The following CIRSR variants were observed in gnomAD, a reference collection of about 807,000 sequenced individuals.
CIRSR encodes the protein corepressor of RBPJ and splicing regulator, also known as CBF1 (RBPJ) interacting corepressor 1.
At chr2:174,364,048 C>T in the CIRSR span, among the ~76,000 whole-genome samples, 1 of 152,208 alleles carries the variant, frequency 6.6e-6, no homozygotes, top group South Asian at 2.1e-4. Context: ...ATCTCTTCTG[C>T]CTATGAGCCT....
chr2:174,381,713 C>T, the CIRSR span: 36 of 1,584,188 alleles, frequency 2.3e-5, no homozygotes, highest in East Asian at 1.1e-4. Flanking sequence ...CCTTTTTTAG[C>T]TCCTGGTGGG....
At chr2:174,369,874 T>C in the CIRSR span, 1 of 1,179,000 alleles carries the variant, frequency 8.5e-7, no homozygotes, top group Non-Finnish European at 1.1e-6. Context: ...CATAATGATA[T>C]AATAATACAA....
the CIRSR span, among the ~76,000 whole-genome samples, chr2:174,391,077 G>A: frequency 1.5e-4 from 23 of 152,218 alleles, no homozygotes; most frequent in African/African-American, 3.9e-4. Flanking sequence ...CATATTGTGG[G>A]ACTATACCAT....
the CIRSR span, chr2:174,387,391 G>T: frequency 4.4e-6 from 1 of 228,072 alleles, no homozygotes; most frequent in East Asian, 1.2e-4. Flanking sequence ...TCTGTAAGAG[G>T]TCTCAGCAGT....
chr2:174,355,688 G>A, the CIRSR span, among the ~76,000 whole-genome samples: 10 of 152,202 alleles, frequency 6.6e-5, no homozygotes, highest in East Asian at 1.9e-3. Flanking sequence ...TGTGTAAAGC[G>A]CTTAATCTAC....
chr2:174,359,791 CAA>C, the CIRSR span, among the ~76,000 whole-genome samples: 2 of 152,122 alleles, frequency 1.3e-5, no homozygotes, highest in Non-Finnish European at 2.9e-5. Flanking sequence ...TTCACAATAG[CAA>C]AGACTTGGAA....
chr2:174,350,541 C>A, the CIRSR span: 1 of 537,828 alleles, frequency 1.9e-6, no homozygotes, highest in East Asian at 3.2e-5. Flanking sequence ...GAAGAATAAT[C>A]AATAAATGTG....
chr2:174,391,801 C>G, the CIRSR span, among the ~76,000 whole-genome samples: 1 of 152,210 alleles, frequency 6.6e-6, no homozygotes, highest in South Asian at 2.1e-4. Context: ...GGAAAAAGTA[C>G]CAATACATGC....
At chr2:174,361,854 AT>A in the CIRSR span, among the ~76,000 whole-genome samples, 7 of 151,584 alleles carry the variant, frequency 4.6e-5, 1 homozygote, top group South Asian at 2.1e-4. Context: ...GGCAATTCTT[AT>A]TTTTTTTTAA....
At chr2:174,378,891 C>T in the CIRSR span, 3 of 1,435,692 alleles carry the variant, frequency 2.1e-6, no homozygotes, top group Admixed American at 1.7e-5. Context: ...CTTGTTTGTC[C>T]TCTCCCGAAA....
chr2:174,365,945 T>C, the CIRSR span, among the ~76,000 whole-genome samples: 5 of 152,244 alleles, frequency 3.3e-5, no homozygotes, highest in African/African-American at 1.2e-4. Context: ...AATACTAAGA[T>C]TAATATGTTA....
the CIRSR span, among the ~76,000 whole-genome samples, chr2:174,354,475 A>T: frequency 2.3e-5 from 2 of 88,786 alleles, no homozygotes; most frequent in South Asian, 5.2e-4. Context: ...AAATATATAT[A>T]ATATATATTA....
chr2:174,364,806 AC>A, the CIRSR span, among the ~76,000 whole-genome samples: 1 of 152,150 alleles, frequency 6.6e-6, no homozygotes, highest in African/African-American at 2.4e-5. Flanking sequence ...ACAGCACAGA[AC>A]CCTGGGCCTG....
the CIRSR span, chr2:174,350,534 G>T: frequency 3.8e-6 from 2 of 520,398 alleles, no homozygotes; most frequent in Admixed American, 3.8e-5. Flanking sequence ...TATGGGTGAA[G>T]AATAATCAAT....
the CIRSR span, chr2:174,380,916 G>T: frequency 2.2e-6 from 2 of 909,316 alleles, no homozygotes; most frequent in South Asian, 1.9e-5. Flanking sequence ...TTATTTAATT[G>T]TCACTTGTAA....
At chr2:174,355,742 T>TA in the CIRSR span, among the ~76,000 whole-genome samples, 15 of 152,168 alleles carry the variant, frequency 9.9e-5, no homozygotes, top group African/African-American at 3.1e-4. Context: ...CAATGAAAGG[T>TA]AAAAAAAGAA....
At chr2:174,386,967 T>C in the CIRSR span, among the ~76,000 whole-genome samples, 1 of 152,204 alleles carries the variant, frequency 6.6e-6, no homozygotes, top group African/African-American at 2.4e-5. Context: ...ATACCACTTA[T>C]TGCCATGCAT....
At chr2:174,384,952 G>A in the CIRSR span, among the ~76,000 whole-genome samples, 7,060 of 152,166 alleles carry the variant, frequency 0.046, 203 homozygotes, top group Middle Eastern at 0.075. Flanking sequence ...GCTCATGCCT[G>A]TAATCCCAGC....
At chr2:174,384,817 G>C in the CIRSR span, among the ~76,000 whole-genome samples, 1 of 152,072 alleles carries the variant, frequency 6.6e-6, no homozygotes, top group African/African-American at 2.4e-5. Flanking sequence ...AAAAGGTAAA[G>C]GTATAATATT....
Sources: allele counts gnomAD v4.1 joint callset (sites outside exome capture counted in the v4.1 genomes callset), GRCh38; gene constraint gnomAD v4.1.1; transcripts MANE v1.5; gene names NCBI Gene and HGNC (gene_info 2026-07-23, HGNC 2026-07-21).